Variants in CACNA1C observed in about 807,000 individuals in gnomAD.
CACNA1C encodes the protein calcium voltage-gated channel subunit alpha1 C.
CACNA1C carries 30 observed loss-of-function variants against 229.0 expected under a neutral mutation model. The ratio of observed to expected loss-of-function variants is 0.13; its 90% confidence interval spans 0.10 to 0.18. The LOEUF is 0.18. CACNA1C is among the 10% of genes least tolerant of loss of function. CACNA1C has a pLI of 1.00. For missense variants in CACNA1C, 1,658 were observed against 2,845.0 expected, an observed-to-expected ratio of 0.58 and a Z score of 9.49; for synonymous variants, 1,114 against 1,132.5, an observed-to-expected ratio of 0.98 and a Z score of 0.33.
At chr12:2,172,848 G>A (rs2096537039) in intron 3 of CACNA1C, among the ~76,000 whole-genome samples, 3 of 152,226 alleles carry the variant, frequency 2.0e-5, no homozygotes, top group South Asian at 2.1e-4. Context: ...TGTGGAGAAC[G>A]GATATAGGGT....
At chr12:2,562,862 C>A (rs2048237667) in intron 11 of CACNA1C, among the ~76,000 whole-genome samples, 1 of 152,214 alleles carries the variant, frequency 6.6e-6, no homozygotes, top group Non-Finnish European at 1.5e-5. Context: ...AAGCACTTAT[C>A]ATTTCTTTGT....
At chr12:2,335,131 A>T (rs148234799) in intron 3 of CACNA1C, among the ~76,000 whole-genome samples, 142 of 152,178 alleles carry the variant, frequency 9.3e-4, no homozygotes, top group African/African-American at 3.2e-3. Flanking sequence ...GTGCCATTTT[A>T]CCTTGTCCCA....
chr12:2,005,967 A>C (rs1205912306), intron 1 of CACNA1C, among the ~76,000 whole-genome samples: 1 of 152,272 alleles, frequency 6.6e-6, no homozygotes, highest in African/African-American at 2.4e-5. Flanking sequence ...CAACTACATT[A>C]TCTACATATG....
intron 30 of CACNA1C, among the ~76,000 whole-genome samples, chr12:2,640,873 A>C (rs2093608770): frequency 6.6e-6 from 1 of 152,186 alleles, no homozygotes; most frequent in South Asian, 2.1e-4. Context: ...TCATAGAGAG[A>C]GCTACTTGCT....
chr12:2,281,854 T>A (rs2091366061), intron 3 of CACNA1C, among the ~76,000 whole-genome samples: 1 of 152,194 alleles, frequency 6.6e-6, no homozygotes. Flanking sequence ...TTCTGGCTAT[T>A]ATTTATAATT....
At chr12:2,428,732 T>G (rs551017472) in intron 3 of CACNA1C, among the ~76,000 whole-genome samples, 2 of 152,288 alleles carry the variant, frequency 1.3e-5, no homozygotes, top group Non-Finnish European at 2.9e-5. Flanking sequence ...CTTAAAGACA[T>G]GAGAGAAGAA....
chr12:2,628,041 C>T (rs942580953), intron 29 of CACNA1C, among the ~76,000 whole-genome samples: 4 of 152,190 alleles, frequency 2.6e-5, no homozygotes, highest in Non-Finnish European at 5.9e-5. Context: ...CTCTGCCCTC[C>T]AAATGCCTAA....
At chr12:2,452,107 G>A (rs1263956135) in intron 4 of CACNA1C, among the ~76,000 whole-genome samples, 3 of 152,130 alleles carry the variant, frequency 2.0e-5, no homozygotes, top group African/African-American at 7.2e-5. Context: ...GTAGGGGAAG[G>A]TTTCTCCTGG....
At chr12:2,495,518 C>T (rs1318642585) in intron 7 of CACNA1C, among the ~76,000 whole-genome samples, 3 of 152,210 alleles carry the variant, frequency 2.0e-5, no homozygotes, top group African/African-American at 7.2e-5. Context: ...CCCTTCTTCT[C>T]CCACCACCAC....
intron 1 of CACNA1C, among the ~76,000 whole-genome samples, chr12:1,980,137 T>C (rs1344141875): frequency 1.3e-5 from 2 of 152,190 alleles, no homozygotes; most frequent in African/African-American, 4.8e-5. Flanking sequence ...TAGATAGGCA[T>C]ACATATCCAC....
chr12:2,268,427 A>G (rs543681087), intron 3 of CACNA1C, among the ~76,000 whole-genome samples: 13 of 152,328 alleles, frequency 8.5e-5, no homozygotes, highest in African/African-American at 3.1e-4. Flanking sequence ...AGAAGATTTC[A>G]TGGATTAACT....
Position 2,529,266 on chromosome 12 carries a change from G to T in CACNA1C, c.1390+16282G>T, listed in dbSNP as rs183365587. Among the ~76,000 whole-genome samples, 124 of 152,198 alleles carry T rather than the reference G, an allele frequency of 8.1e-4. 1 individual carries two copies. The highest frequency in any genetic ancestry group is 3.1e-3 in the South Asian group (15 of 4,818). ...CTCACCACCTCTTCTCCCCAGCAGGGTCTTACCCGCTCCTTCATGCTCCCA... is the reference window on the plus strand; with the variant it reads ...CTCACCACCTCTTCTCCCCAGCAGGTTCTTACCCGCTCCTTCATGCTCCCA... On this transcript the variant is annotated intron_variant, in intron 9 of 46. Transcript: ENST00000399655.
At chr12:2,436,324 G>A (rs1348880182) in intron 3 of CACNA1C, among the ~76,000 whole-genome samples, 1 of 152,214 alleles carries the variant, frequency 6.6e-6, no homozygotes, top group Non-Finnish European at 1.5e-5. Context: ...TATTGGGTCT[G>A]CATCCCTGTG....
At chr12:2,437,600 C>A (rs16927947) in intron 3 of CACNA1C, among the ~76,000 whole-genome samples, 128,001 of 152,160 alleles carry the variant, frequency 0.84, 54,003 homozygotes, top group Admixed American at 0.88. Flanking sequence ...GTCCAGGCTC[C>A]GACTGTTGCT....
intron 29 of CACNA1C, among the ~76,000 whole-genome samples, chr12:2,622,922 G>A (rs1188289887): frequency 2.0e-5 from 3 of 152,192 alleles, no homozygotes; most frequent in Non-Finnish European, 4.4e-5. Context: ...GCCAGTGGCT[G>A]TTCTCAGCCT....
chr12:2,592,000 T>C (rs2065601808), intron 18 of CACNA1C, among the ~76,000 whole-genome samples: 1 of 152,198 alleles, frequency 6.6e-6, no homozygotes, highest in African/African-American at 2.4e-5. Context: ...TTAGGGCCCA[T>C]CCTAGCGCAG....
At chr12:2,497,953 G>T in intron 7 of CACNA1C, among the ~76,000 whole-genome samples, 1 of 128,244 alleles carries the variant, frequency 7.8e-6, no homozygotes, top group African/African-American at 3.1e-5. Flanking sequence ...GTGCGGAGAA[G>T]GTATTTCTAT....
chr12:2,281,620 G>A (rs1306547354), intron 3 of CACNA1C, among the ~76,000 whole-genome samples: 1 of 152,088 alleles, frequency 6.6e-6, no homozygotes, highest in Admixed American at 6.6e-5. Context: ...CTTCTTGCTT[G>A]TGTTGTTTCT....
chr12:2,262,393 T>C (rs1251136618), intron 3 of CACNA1C, among the ~76,000 whole-genome samples: 4 of 152,222 alleles, frequency 2.6e-5, no homozygotes, highest in African/African-American at 9.6e-5. Context: ...CCCAGTCTGT[T>C]TTCTTGTTCA....
Sources: allele counts gnomAD v4.1 joint callset (sites outside exome capture counted in the v4.1 genomes callset), GRCh38; gene constraint gnomAD v4.1.1; transcripts MANE v1.5; gene names NCBI Gene and HGNC (gene_info 2026-07-23, HGNC 2026-07-21).